Variants in NAA20 observed in about 807,000 individuals in gnomAD.
The protein encoded by NAA20 is N-alpha-acetyltransferase 20.
In NAA20, 24 loss-of-function variants were observed where a neutral mutation model predicts 23.8. That is an observed-to-expected ratio of 1.01 (90% CI 0.73 to 1.42). The LOEUF (loss-of-function observed/expected upper bound fraction) is 1.42, where lower values mean the gene tolerates loss of function less well. NAA20 is among the 40% of genes most tolerant of loss of function. NAA20 has a pLI of 0.00. For synonymous variants in NAA20, 83 were observed against 77.7 expected (o/e 1.07, Z -0.36); for missense variants, 166 against 223.1 (o/e 0.74, Z 1.63).
intron 4 of NAA20, among the ~76,000 whole-genome samples, chr20:20,029,357 CTG>C (rs1385934671): frequency 1.3e-5 from 2 of 152,054 alleles, no homozygotes; most frequent in African/African-American, 4.8e-5. Flanking sequence ...TGGCTCATGA[CTG>C]TAATCCCAGC....
chr20:20,029,548 C>T (rs904995866), intron 4 of NAA20, among the ~76,000 whole-genome samples: 4 of 148,016 alleles, frequency 2.7e-5, no homozygotes, highest in African/African-American at 2.5e-5. Flanking sequence ...ACCTGGGAGG[C>T]GAAGATTACA....
intron 4 of NAA20, 113 bp downstream of exon 4, chr20:20,027,032 A>G: frequency 7.4e-7 from 1 of 1,344,450 alleles, no homozygotes; most frequent in Non-Finnish European, 1.0e-6. Context: ...TTCATCTTCC[A>G]TCTCCAGTAG....
At chr20:20,024,812 A>G (rs1370242989) in intron 2 of NAA20, among the ~76,000 whole-genome samples, 2 of 152,188 alleles carry the variant, frequency 1.3e-5, no homozygotes, top group Non-Finnish European at 1.5e-5. Context: ...TATTCAAAAT[A>G]ATGATGGTCC....
At chr20:20,027,281 G>A (rs771374269) in intron 4 of NAA20, among the ~76,000 whole-genome samples, 22 of 151,984 alleles carry the variant, frequency 1.4e-4, no homozygotes, top group Non-Finnish European at 2.9e-4. Flanking sequence ...AGTGCTCCTC[G>A]GCCAAAAGAA....
At chr20:20,017,326 C>A (rs1203384868), upstream of NAA20, 15 of 1,593,164 alleles carry the variant, frequency 9.4e-6, no homozygotes, top group South Asian at 1.1e-4. Context: ...GCGGCGGCCA[C>A]GCTCCGGGAG....
chr20:20,017,766 G>A, intron 1 of NAA20: 1 of 1,438,450 alleles, frequency 7.0e-7, no homozygotes, highest in Non-Finnish European at 9.1e-7. Flanking sequence ...AGGCGCTGGG[G>A]TGATGGGGCG....
chr20:20,029,613 T>A (rs1257162581), intron 4 of NAA20, among the ~76,000 whole-genome samples: 6 of 73,676 alleles, frequency 8.1e-5, no homozygotes, highest in South Asian at 1.2e-3. Flanking sequence ...CGAGACTCCA[T>A]CTCAAAAAAA....
intron 4 of NAA20, among the ~76,000 whole-genome samples, chr20:20,028,349 C>T (rs552830419): frequency 1.3e-5 from 2 of 151,844 alleles, no homozygotes; most frequent in Non-Finnish European, 2.9e-5. Context: ...GGGTGGGGGT[C>T]TAAGGGAGGG....
In NAA20 at chr20:20,032,605, A is replaced by G; in HGVS notation, c.403A>G (p.Ile135Val). 6.2e-7 allele frequency: 1 copy of G among 1,612,220 alleles called. No individual in the cohort carries two copies. The highest frequency in any genetic ancestry group is 8.5e-7 in the Non-Finnish European group (1 of 1,179,104). Residue 135 changes from isoleucine to valine, a missense_variant, in exon 5 of 6, where the codon ATA (isoleucine) becomes GTA (valine). Physicochemically the swap from Ile to Val is conservative, Grantham distance 29. Coordinates refer to ENST00000334982, the MANE Select transcript of NAA20 (RefSeq NM_016100.5). The part of the protein sequence containing the change: ...QLGYSVYRTV[I>V]EYYSASNGEP... ...GGGCTACAGTGTATATAGGACGGTC[A>G]TAGAGTACTATTCGGCCAGCAACGG...
intron 1 of NAA20, chr20:20,017,672 A>G (rs1234636477): frequency 1.4e-6 from 2 of 1,396,380 alleles, no homozygotes; most frequent in Non-Finnish European, 1.9e-6. Context: ...ACCTTGGCCG[A>G]GGTGCTCAAA....
chr20:20,029,719 AATT>A (rs1209885731), intron 4 of NAA20, among the ~76,000 whole-genome samples: 4 of 152,126 alleles, frequency 2.6e-5, no homozygotes, highest in African/African-American at 4.8e-5. Context: ...GAAATAGACA[AATT>A]ATTATTATAA....
At chr20:20,029,445 C>T (rs1387846266) in intron 4 of NAA20, among the ~76,000 whole-genome samples, 3 of 151,718 alleles carry the variant, frequency 2.0e-5, no homozygotes, top group African/African-American at 4.8e-5. Context: ...GGTGAAATCC[C>T]GTCTCGACTA....
chr20:20,022,106 C>T (rs569915748), intron 1 of NAA20, among the ~76,000 whole-genome samples: 2 of 152,194 alleles, frequency 1.3e-5, no homozygotes, highest in East Asian at 1.9e-4. Context: ...CTGCAGCGGG[C>T]GAGTTTGACC....
intron 2 of NAA20, among the ~76,000 whole-genome samples, chr20:20,023,818 G>A (rs950769072): frequency 5.3e-5 from 8 of 152,248 alleles, no homozygotes; most frequent in Non-Finnish European, 8.8e-5. Context: ...CAGTGCTGAT[G>A]ATGGTGAGGT....
At chr20:20,025,799 T>C (rs368762283) in intron 3 of NAA20, 32 bp downstream of exon 3, 235 of 1,377,632 alleles carry the variant, frequency 1.7e-4, no homozygotes, top group Middle Eastern at 1.6e-3. Context: ...TTTTGTGGAG[T>C]AGGTAAAGAT....
chr20:20,017,511 G>T (rs994718016), intron 1 of NAA20, 62 bp downstream of exon 1: 7 of 1,558,518 alleles, frequency 4.5e-6, no homozygotes, highest in Non-Finnish European at 6.1e-6. Flanking sequence ...GGCCCCGCCA[G>T]CTCCGGCCCC....
chr20:20,029,045 T>C (rs911487033), intron 4 of NAA20, among the ~76,000 whole-genome samples: 6 of 152,112 alleles, frequency 3.9e-5, no homozygotes, highest in Non-Finnish European at 7.4e-5. Context: ...TTTTCCTCTC[T>C]CACCCTCTGA....
intron 4 of NAA20, among the ~76,000 whole-genome samples, chr20:20,028,083 C>G (rs1197562081): frequency 6.6e-6 from 1 of 152,178 alleles, no homozygotes; most frequent in Admixed American, 6.5e-5. Context: ...AGCTCAAACT[C>G]ATTCAGAGAA....
chr20:20,028,618 AT>A (rs1230946789), intron 4 of NAA20, among the ~76,000 whole-genome samples: 1 of 152,190 alleles, frequency 6.6e-6, no homozygotes, highest in African/African-American at 2.4e-5. Flanking sequence ...AGCCTTCATT[AT>A]TTTAGACTAG....
Sources: gnomAD v4.1 joint callset for allele counts (sites outside exome capture counted in the v4.1 genomes callset) on GRCh38, gnomAD v4.1.1 for gene constraint, MANE v1.5 for transcripts, NCBI Gene and HGNC (gene_info 2026-07-23, HGNC 2026-07-21) for gene names.